The following POLA1 variants were observed in gnomAD, a reference collection of about 807,000 sequenced individuals.
The protein encoded by POLA1 is DNA polymerase alpha catalytic subunit.
A neutral mutation model predicts 124.0 loss-of-function variants in POLA1; 15 were observed. The ratio of observed to expected loss-of-function variants is 0.12; its 90% confidence interval spans 0.08 to 0.19. The LOEUF (loss-of-function observed/expected upper bound fraction) is 0.19, where lower values mean the gene tolerates loss of function less well. Ranked by LOEUF, POLA1 falls within the 10% of genes least tolerant of loss-of-function variation. POLA1 has a pLI of 1.00. For missense variants in POLA1, 886 were observed against 1,103.4 expected, an observed-to-expected ratio of 0.80 and a Z score of 2.79; for synonymous variants, 408 against 389.4, an observed-to-expected ratio of 1.05 and a Z score of -0.56.
intron 36 of POLA1, among the ~76,000 whole-genome samples, chrX:24,963,359 A>C (rs1227484860): frequency 8.9e-6 from 1 of 111,753 alleles, no homozygotes; most frequent in East Asian, 2.8e-4. Flanking sequence ...ATTGTAAGTG[A>C]TCGTCTTAAA....
chrX:24,847,699 G>A (rs2046494414), intron 34 of POLA1, among the ~76,000 whole-genome samples: 1 of 111,967 alleles, frequency 8.9e-6, no homozygotes, highest in Admixed American at 9.5e-5. Context: ...GACAGGGGCT[G>A]TGCTTTCTTT....
intron 26 of POLA1, among the ~76,000 whole-genome samples, chrX:24,770,569 C>A (rs781574034): frequency 1.8e-5 from 2 of 111,210 alleles, no homozygotes; most frequent in Non-Finnish European, 3.8e-5. Flanking sequence ...AGGAGGGTAA[C>A]CAAGTTTTTT....
chrX:24,735,438 C>T lies in POLA1; in HGVS notation c.1873C>T (p.Leu625=). The T allele has an allele frequency of 8.3e-7, 1 of 1,202,600 alleles. No homozygotes were observed. The highest frequency in any genetic ancestry group is 1.1e-6 in the Non-Finnish European group (1 of 887,276). The change falls in exon 18 of 37, where the codon CTA becomes TTA. Residue 625 remains leucine (L), a synonymous_variant. Coordinates refer to ENST00000379068, the MANE Select transcript of POLA1 (RefSeq NM_001330360.2). ...VEVAATERTL[L]GFFLAKVHKI... is the part of the protein sequence containing the mutation. ...GGTTGCTGCAACAGAAAGAACACTG[C>T]TAGGTTTTTTCCTTGCAAAAGTTCA...
In POLA1 at chrX:24,732,569, A is replaced by G. The variant is rs936037644; in HGVS notation, c.1771+115A>G. ...CAAAAATTGTTTTCAAGAATAGTGC[A>G]TATTGTTAAAGAGGGTTTTGTTTTT... is the stretch of plus-strand genomic sequence containing the variant. On this transcript the variant is annotated intron_variant, in intron 16 of 36. Transcript: ENST00000379068. The G allele has an allele frequency of 8.3e-6, 3 of 362,307 alleles. No homozygotes were observed. In the African/African-American group the frequency reaches 8.6e-5, roughly 10 times the overall value. The allele number at this position is 362,307 out of a possible 1,213,427, so 29.9% of individuals were successfully genotyped here.
intron 26 of POLA1, among the ~76,000 whole-genome samples, chrX:24,787,173 A>G (rs1460135349): frequency 9.0e-6 from 1 of 111,216 alleles, no homozygotes; most frequent in Admixed American, 9.5e-5. Context: ...CTCATTTTGT[A>G]GGTTGTCTTT....
rs1451336563 is a variant in POLA1 at position 24,719,509 on chromosome X, G to T, written c.1087+1751G>T. Among the ~76,000 whole-genome samples the T allele has an allele frequency of 4.5e-5, 5 of 111,751 alleles. No individual in the cohort carries two copies. In the East Asian group the frequency reaches 1.4e-3, roughly 31 times the overall value. On this transcript the variant is annotated intron_variant, in intron 10 of 36. Coordinates refer to ENST00000379068, the MANE Select transcript of POLA1 (RefSeq NM_001330360.2). ...TGTTACTCTGCTGGAAGTCTGGCAA[G>T]TATGATTACATGAGGCTAAGCAGAT...
chrX:24,743,173 T>A, intron 22 of POLA1, 57 bp from the exon 23 acceptor site: 1 of 618,847 alleles, frequency 1.6e-6, no homozygotes, highest in East Asian at 3.5e-5. Context: ...ATCATCAAAA[T>A]TTTAAATTAG....
At chrX:24,962,091 A>G (rs2048175158) in intron 36 of POLA1, among the ~76,000 whole-genome samples, 1 of 111,152 alleles carries the variant, frequency 9.0e-6, no homozygotes, top group South Asian at 3.7e-4. Flanking sequence ...TTTACTTTTT[A>G]TGCTTTACTA....
intron 36 of POLA1, among the ~76,000 whole-genome samples, chrX:24,955,834 G>A (rs886756740): frequency 1.8e-5 from 2 of 111,015 alleles, no homozygotes; most frequent in Admixed American, 1.9e-4. Context: ...GTTTTTGTTG[G>A]CTTTCATCAA....
At chrX:24,715,420 G>A (rs961871451) in intron 6 of POLA1, among the ~76,000 whole-genome samples, 3 of 110,509 alleles carry the variant, frequency 2.7e-5, no homozygotes, top group African/African-American at 9.9e-5. Flanking sequence ...TCAGCCTCCC[G>A]AGTAGCTAGG....
intron 34 of POLA1, among the ~76,000 whole-genome samples, chrX:24,853,374 A>G (rs1378750472): frequency 6.2e-5 from 7 of 112,169 alleles, no homozygotes; most frequent in Non-Finnish European, 1.9e-5. Context: ...CTGAAATCAT[A>G]TCGGTAAACT....
chrX:24,927,719 G>A (rs1267045323), intron 35 of POLA1, among the ~76,000 whole-genome samples: 3 of 112,219 alleles, frequency 2.7e-5, no homozygotes, highest in Non-Finnish European at 5.6e-5. Context: ...ACCAATAAGT[G>A]AAAGCTGGAG....
At chrX:24,807,705 A>T (rs1226555676) in intron 26 of POLA1, among the ~76,000 whole-genome samples, 1 of 111,506 alleles carries the variant, frequency 9.0e-6, no homozygotes, top group Non-Finnish European at 1.9e-5. Flanking sequence ...GGTAGGTGGG[A>T]GCTAATAACG....
chrX:24,902,830 C>T (rs2047300870), intron 35 of POLA1, among the ~76,000 whole-genome samples: 3 of 112,042 alleles, frequency 2.7e-5, no homozygotes, highest in African/African-American at 9.7e-5. Flanking sequence ...GATATAGGAA[C>T]CTAAACAAAA....
chrX:24,976,977 T>C (rs1051645550), intron 36 of POLA1, among the ~76,000 whole-genome samples: 8 of 112,500 alleles, frequency 7.1e-5, no homozygotes, highest in African/African-American at 2.6e-4. Context: ...TATTGATACA[T>C]ACCAATTCTT....
At chrX:24,892,417 A>G (rs777898217) in intron 35 of POLA1, among the ~76,000 whole-genome samples, 1 of 111,415 alleles carries the variant, frequency 9.0e-6, no homozygotes, top group African/African-American at 3.3e-5. Context: ...ATAAAAGTTG[A>G]TGTTATTTTT....
chrX:24,996,932 A>T lies in POLA1; in HGVS notation c.*982A>T, dbSNP rs754681456. ...AAAACATTGACCTGTGTGTTTTTAT[A>T]AAAGAAAAAGTATGTTGTGCCTTCT... On this transcript the variant is annotated 3_prime_UTR_variant, in exon 37 of 37. Coordinates refer to ENST00000379068, the MANE Select transcript of POLA1 (RefSeq NM_001330360.2). 8.9e-6 allele frequency: 1 copy of T among 112,218 alleles called. No individual in the cohort carries two copies. Among genetic ancestry groups the T allele is most frequent in the South Asian group, 3.7e-4 (1 of 2,703 alleles). 9.2% of individuals were successfully genotyped at this position (112,218 alleles called of 1,213,427 possible).
chrX:24,708,372 C>CTT lies in POLA1; in HGVS notation c.346+3921_346+3922dup, dbSNP rs397799733. Among the ~76,000 whole-genome samples, 770 of 79,971 alleles carry CTT rather than the reference C, an allele frequency of 9.6e-3. 4 individuals carry two copies. Among genetic ancestry groups the CTT allele is most frequent in the Non-Finnish European group, 0.015 (632 of 41,647 alleles). The allele number at this position is 79,971 out of a possible 115,157, so 69.4% of individuals were successfully genotyped here. On this transcript the variant is annotated intron_variant, in intron 4 of 36. Coordinates refer to ENST00000379068, the MANE Select transcript of POLA1 (RefSeq NM_001330360.2). ...TCACAATCTTAGGCTCATGAAAATA[C>CTT]TTTTTTTTTTTTTTTTTTTAATTTA...
chrX:24,882,684 GGTGTGTGTGTGTGTGTGT>G (rs57530564), intron 34 of POLA1, among the ~76,000 whole-genome samples: 12 of 87,610 alleles, frequency 1.4e-4, no homozygotes, highest in African/African-American at 2.1e-4. Context: ...TATATTCCAT[GGTGTGTGTGTGTGTGTGT>G]GTGTGTGTGT....
Sources: allele counts gnomAD v4.1 joint callset (sites outside exome capture counted in the v4.1 genomes callset), GRCh38; gene constraint gnomAD v4.1.1; transcripts MANE v1.5; gene names NCBI Gene and HGNC (gene_info 2026-07-23, HGNC 2026-07-21).